Variants in TBX19 observed in about 807,000 individuals in gnomAD.
TBX19 encodes T-box transcription factor 19, also known as T-box transcription factor TBX19.
Under a neutral mutation model 40.9 loss-of-function variants are expected in TBX19, and 33 were observed. That is an observed-to-expected ratio of 0.81 (90% confidence interval 0.61 to 1.08). The LOEUF (loss-of-function observed/expected upper bound fraction) is 1.08. Ranked by LOEUF, TBX19 falls within the 50% of genes least tolerant of loss-of-function variation. The pLI, the probability that TBX19 is intolerant of heterozygous loss-of-function variation, is 0.00. For synonymous variants in TBX19, 220 were observed against 225.0 expected (o/e 0.98, Z 0.20); for missense variants, 494 against 574.0 (o/e 0.86, Z 1.42).
chr1:168,290,783 A>T (rs761962100), intron 1 of TBX19, among the ~76,000 whole-genome samples: 2 of 152,012 alleles, frequency 1.3e-5, no homozygotes, highest in African/African-American at 4.8e-5. Context: ...TATTACTATT[A>T]TTCAGAAATA....
intron 7 of TBX19, among the ~76,000 whole-genome samples, 189 bp from the exon 8 acceptor site, chr1:168,312,519 T>G (rs1301012283): frequency 1.3e-5 from 2 of 152,226 alleles, no homozygotes; most frequent in African/African-American, 4.8e-5. Flanking sequence ...TATTCCACCA[T>G]ACTTTGCTGC....
At chr1:168,297,151 G>A (rs1649133035) in intron 3 of TBX19, among the ~76,000 whole-genome samples, 1 of 152,142 alleles carries the variant, frequency 6.6e-6, no homozygotes, top group South Asian at 2.1e-4. Context: ...AGCAGGCTCA[G>A]GCTAAGGCAG....
At position 168,308,724 on chromosome 1, in the gene TBX19, T is replaced by C. The variant is rs1304106005; in HGVS notation, c.917-18T>C. The C allele has an allele frequency of 6.2e-7, 1 of 1,614,136 alleles. No homozygotes were observed. Among genetic ancestry groups the C allele is most frequent in the Non-Finnish European group, 8.5e-7 (1 of 1,180,014 alleles). On this transcript the variant is annotated intron_variant, in intron 6 of 7. Transcript: ENST00000367821. ...CTTCTACATTTGCTATCAATTCAAC[T>C]GTTGTTATTTCCCCAAGTGAATTTG...
Position 168,313,197 on chromosome 1 carries a change from C to T in TBX19, c.*195C>T. On this transcript the variant is annotated 3_prime_UTR_variant, in exon 8 of 8. Coordinates refer to ENST00000367821, the MANE Select transcript of TBX19 (RefSeq NM_005149.3). ...GCTAGTTAGATCATTTGCATCTCTC[C>T]ACCATTTTCTTCTGCACTCCCATTT... 1.5e-6 allele frequency: 1 copy of T among 660,996 alleles called. No homozygotes were observed. Among genetic ancestry groups the T allele is most frequent in the Non-Finnish European group, 2.6e-6 (1 of 387,932 alleles). 40.9% of individuals were successfully genotyped at this position (660,996 alleles called of 1,614,324 possible).
rs200517364 is a variant in TBX19, at chr1:168,281,069, C to T, written c.-22C>T. ...AGCAGGCAAGTTGGGTAACGGCTCT[C>T]GGCAAAGTTCGAGAAGTGCCTATGG... On this transcript the variant is annotated 5_prime_UTR_variant, in exon 1 of 8. Coordinates refer to ENST00000367821, the MANE Select transcript of TBX19 (RefSeq NM_005149.3). 1.3e-5 allele frequency: 21 copies of T among 1,613,206 alleles called. No homozygotes were observed. Among genetic ancestry groups the T allele is most frequent in the Admixed American group, 5.0e-5 (3 of 59,996 alleles).
intron 5 of TBX19, 95 bp from the exon 6 acceptor site, chr1:168,304,913 A>G: frequency 7.9e-7 from 1 of 1,268,958 alleles, no homozygotes; most frequent in Non-Finnish European, 1.1e-6. Flanking sequence ...AGTGTCATTT[A>G]CAAGAATTGT....
chr1:168,312,726 G>A lies in TBX19; in HGVS notation c.1071G>A (p.Trp357Ter). 3.7e-6 allele frequency: 6 copies of A among 1,613,526 alleles called. No homozygotes were observed. Among genetic ancestry groups the A allele is most frequent in the Non-Finnish European group, 4.2e-6 (5 of 1,180,036 alleles). Residue 357 changes from tryptophan to a stop codon, truncating the protein, a stop_gained, in exon 8 of 8, where the codon TGG (tryptophan) becomes TGA (stop). Transcript: ENST00000367821. LOFTEE classifies it low-confidence loss of function (END_TRUNC). Reference protein sequence around the residue: ...NPGPSPYPCLWTISNGAGGPS... With the variant: ...NPGPSPYPCL ...TCTGCAGCCCCTACCCGTGCCTGTG[G>A]ACCATCAGCAATGGTGCCGGAGGCC...
At position 168,305,130 on chromosome 1, in the gene TBX19, G is replaced by T; in HGVS notation, c.850G>T (p.Gly284Cys). The change falls in exon 6 of 8, where the codon GGT becomes TGT. Residue 284 changes from glycine to cysteine, a missense_variant. Coordinates refer to ENST00000367821, the MANE Select transcript of TBX19 (RefSeq NM_005149.3). ...CCACCATGGCTGTGAGCACTATTCGGGTCTCCGAGGACACCGGCAGGCTCC... is the reference window on the plus strand; with the variant it reads ...CCACCATGGCTGTGAGCACTATTCGTGTCTCCGAGGACACCGGCAGGCTCC... ...HTHHGCEHYS[G>C]LRGHRQAPYP... is the part of the protein sequence containing the mutation. The T allele has an allele frequency of 6.2e-7, 1 of 1,613,980 alleles. No homozygotes were observed. Among genetic ancestry groups the T allele is most frequent in the Non-Finnish European group, 8.5e-7 (1 of 1,180,028 alleles).
chr1:168,303,376 G>A (rs1649324716), intron 5 of TBX19, among the ~76,000 whole-genome samples: 7 of 152,116 alleles, frequency 4.6e-5, no homozygotes, highest in Admixed American at 4.6e-4. Flanking sequence ...TGAACTCATC[G>A]TATTTCATAT....
chr1:168,293,090 C>T, intron 2 of TBX19, 54 bp from the exon 3 acceptor site: 1 of 1,607,592 alleles, frequency 6.2e-7, no homozygotes, highest in Middle Eastern at 1.7e-4. Context: ...CCTTTATCAC[C>T]TGCGATACAC....
intron 5 of TBX19, among the ~76,000 whole-genome samples, chr1:168,302,231 G>T (rs1247977999): frequency 6.6e-6 from 1 of 152,202 alleles, no homozygotes; most frequent in South Asian, 2.1e-4. Context: ...TTAGTCAGAT[G>T]GGGACCCCTT....
chr1:168,281,192 C>T lies in TBX19; in HGVS notation c.102C>T (p.Gly34=), dbSNP rs759967925. ...ESELQAGREK[G]DPTEKQLQII... is the part of the protein sequence containing the mutation. ...AGCTTCAGGCAGGGAGGGAAAAAGG[C>T]GACCCTACGGAGAAGCAACTTCAGA... Residue 34 remains glycine (G), a synonymous_variant, in exon 1 of 8, where the codon GGC becomes GGT. Coordinates refer to ENST00000367821, the MANE Select transcript of TBX19 (RefSeq NM_005149.3). 9.3e-6 allele frequency: 15 copies of T among 1,613,946 alleles called. No homozygotes were observed. The highest frequency in any genetic ancestry group is 4.4e-5 in the South Asian group (4 of 91,070).
At chr1:168,304,125 A>G (rs1649345258) in intron 5 of TBX19, among the ~76,000 whole-genome samples, 1 of 152,242 alleles carries the variant, frequency 6.6e-6, no homozygotes, top group African/African-American at 2.4e-5. Context: ...CACCTCTGAC[A>G]CAAAGACCAC....
At chr1:168,292,819 G>A (rs1012863394) in intron 2 of TBX19, among the ~76,000 whole-genome samples, 1 of 145,080 alleles carries the variant, frequency 6.9e-6, no homozygotes, top group East Asian at 2.0e-4. Flanking sequence ...AGCTGAGATA[G>A]CGCCACTGCA....
At chr1:168,294,510 G>GT (rs1284442208) in intron 3 of TBX19, among the ~76,000 whole-genome samples, 35 of 140,216 alleles carry the variant, frequency 2.5e-4, no homozygotes, top group African/African-American at 4.0e-4. Flanking sequence ...ATTTTTTTTT[G>GT]TTTTTTTTTG....
chr1:168,289,709 T>TG (rs992910756), intron 1 of TBX19, among the ~76,000 whole-genome samples: 14 of 152,316 alleles, frequency 9.2e-5, no homozygotes, highest in African/African-American at 3.4e-4. Context: ...TGGCACCTAG[T>TG]GAGTGCTCTG....
At position 168,305,136 on chromosome 1, in the gene TBX19, C is replaced by T. The variant is rs74315376; in HGVS notation, c.856C>T (p.Arg286Ter). 24 of 1,613,804 alleles carry T rather than the reference C, an allele frequency of 1.5e-5. No homozygotes were observed. The highest frequency in any genetic ancestry group is 1.8e-5 in the Non-Finnish European group (21 of 1,180,034). Residue 286 changes from arginine to a stop codon, truncating the protein, a stop_gained, in exon 6 of 8, where the codon CGA becomes TGA. Coordinates refer to ENST00000367821, the MANE Select transcript of TBX19 (RefSeq NM_005149.3). LOFTEE classifies it high-confidence loss of function. ...HHGCEHYSGL[R>*]GHRQAPYPSA... ...TGGCTGTGAGCACTATTCGGGTCTC[C>T]GAGGACACCGGCAGGCTCCCTACCC...
chr1:168,293,108 T>G, intron 2 of TBX19, 36 bp from the exon 3 acceptor site: 1 of 1,611,962 alleles, frequency 6.2e-7, no homozygotes, highest in Non-Finnish European at 8.5e-7. Flanking sequence ...CACGGGGCTT[T>G]GCTTTTCTCC....
chr1:168,296,886 A>ATG (rs1558192093), intron 3 of TBX19, among the ~76,000 whole-genome samples: 2 of 152,002 alleles, frequency 1.3e-5, no homozygotes, highest in African/African-American at 4.8e-5. Context: ...ATATATATAT[A>ATG]TGTGTGTGTA....
Sources: gnomAD v4.1 joint callset for allele counts (sites outside exome capture counted in the v4.1 genomes callset) on GRCh38, gnomAD v4.1.1 for gene constraint, MANE v1.5 for transcripts, NCBI Gene and HGNC (gene_info 2026-07-23, HGNC 2026-07-21) for gene names.